GRIN2A: variants seen among roughly 807,000 people sequenced by gnomAD.
GRIN2A encodes the protein glutamate ionotropic receptor NMDA type subunit 2A.
In GRIN2A, 22 loss-of-function variants were observed where a neutral mutation model predicts 113.4. The observed-to-expected ratio is 0.19, with a 90% CI of 0.14 to 0.28. The LOEUF (loss-of-function observed/expected upper bound fraction) is 0.28, where lower values mean the gene tolerates loss of function less well. GRIN2A is among the 10% of genes least tolerant of loss of function. GRIN2A has a pLI of 1.00. For synonymous variants in GRIN2A, 827 were observed against 738.4 expected, an observed-to-expected ratio of 1.12 and a Z score of -1.94; for missense variants, 1,502 against 1,887.0, an observed-to-expected ratio of 0.80 and a Z score of 3.78.
At chr16:10,059,723 A>G (rs1380009327) in intron 2 of GRIN2A, among the ~76,000 whole-genome samples, 2 of 113,926 alleles carry the variant, frequency 1.8e-5, no homozygotes, top group Admixed American at 1.5e-4. Context: ...CGTGACCGAA[A>G]AAAAAAAAAA....
At chr16:9,780,049 C>G (rs879384953) in intron 11 of GRIN2A, among the ~76,000 whole-genome samples, 18 of 152,184 alleles carry the variant, frequency 1.2e-4, no homozygotes, top group Non-Finnish European at 7.3e-5. Context: ...CAACAGCCAA[C>G]CACACAGCCA....
At chr16:9,904,260 T>G (rs1379781902) in intron 3 of GRIN2A, among the ~76,000 whole-genome samples, 1 of 152,192 alleles carries the variant, frequency 6.6e-6, no homozygotes. Flanking sequence ...ACCAGCAGAT[T>G]TGGTGTCTGG....
intron 10 of GRIN2A, among the ~76,000 whole-genome samples, chr16:9,814,036 C>T (rs2042140663): frequency 1.3e-5 from 2 of 152,208 alleles, no homozygotes; most frequent in Admixed American, 6.5e-5. Context: ...ACCTCAGTGA[C>T]AACCCTTATA....
chr16:9,775,075 A>C (rs1212662529), intron 11 of GRIN2A, among the ~76,000 whole-genome samples: 1 of 152,216 alleles, frequency 6.6e-6, no homozygotes, highest in Admixed American at 6.5e-5. Context: ...CTAGCCTTCA[A>C]ACTTCCCAAG....
intron 2 of GRIN2A, among the ~76,000 whole-genome samples, chr16:9,964,980 A>G (rs1008763126): frequency 6.6e-6 from 1 of 152,206 alleles, no homozygotes; most frequent in African/African-American, 2.4e-5. Flanking sequence ...CTATTATTAA[A>G]TGTGATTCAA....
At position 9,758,637 on chromosome 16, in the gene GRIN2A, T is replaced by G. The variant is rs1382414090; in HGVS notation, c.*4512A>C. The G allele has an allele frequency of 1.4e-5, 3 of 213,122 alleles. No homozygotes were observed. Among genetic ancestry groups the G allele is most frequent in the Non-Finnish European group, 2.8e-5 (3 of 105,342 alleles). 13.2% of individuals were successfully genotyped at this position (213,122 alleles called of 1,614,324 possible). A position where few individuals can be genotyped will look rare whatever the true frequency, so the allele number is the denominator to read the frequency against. On this transcript the variant is annotated 3_prime_UTR_variant, in exon 13 of 13. Transcript: ENST00000330684. ...CAAGCATGTATATTATATACATGTG[T>G]ACACAAGCAGTTGTATTCACAGGAT... is the stretch of plus-strand genomic sequence containing the variant.
At chr16:10,053,238 G>C (rs1030655794) in intron 2 of GRIN2A, among the ~76,000 whole-genome samples, 2 of 152,146 alleles carry the variant, frequency 1.3e-5, no homozygotes, top group Non-Finnish European at 1.5e-5. Context: ...TGAGACAGAA[G>C]ATTTCTGTAG....
chr16:10,109,358 G>C (rs2048564586), intron 2 of GRIN2A, among the ~76,000 whole-genome samples: 1 of 146,872 alleles, frequency 6.8e-6, no homozygotes, highest in African/African-American at 2.5e-5. Flanking sequence ...AAAAAAAAAA[G>C]AGTCCTACAC....
At chr16:9,860,445 CAAAAAAAAAA>C (rs35715098) in intron 4 of GRIN2A, among the ~76,000 whole-genome samples, 2 of 57,952 alleles carry the variant, frequency 3.5e-5, no homozygotes, top group African/African-American at 1.2e-4. Flanking sequence ...AAGAGTCTCT[CAAAAAAAAAA>C]AAAAAAAAAA....
In GRIN2A at chr16:9,754,801, T is replaced by C. The variant is rs537357132; in HGVS notation, c.*8348A>G. 1.4e-5 allele frequency: 3 copies of C among 221,794 alleles called. No homozygotes were observed. Among genetic ancestry groups the C allele is most frequent in the South Asian group, 3.7e-4 (2 of 5,428 alleles). 13.7% of individuals were successfully genotyped at this position (221,794 alleles called of 1,614,324 possible). A position where few individuals can be genotyped will look rare whatever the true frequency, so the allele number is the denominator to read the frequency against. The stretch of plus-strand genomic sequence containing the variant: ...GTTTTTCATGGAAAAAAAAAGACAA[T>C]GTTTTCGTATTTCTGGATCTTCGCT... On this transcript the variant is annotated 3_prime_UTR_variant, in exon 13 of 13. Coordinates refer to ENST00000330684, the MANE Select transcript of GRIN2A (RefSeq NM_001134407.3).
chr16:9,764,709 G>T lies in GRIN2A; in HGVS notation c.2835C>A (p.Asp945Glu), dbSNP rs778996050. The part of the protein sequence containing the change: ...VSDKGNLMYS[D>E]NRSFQGKESI... ...TCTCTTTCCCCTGAAAGGACCTGTT[G>T]TCTGAGTACATCAAATTCCCCTTAT... The change falls in exon 13 of 13, where the codon GAC (aspartate) becomes GAA (glutamate). Residue 945 changes from aspartate (D) to glutamate (E), a missense_variant. Physicochemically the swap from Asp to Glu is conservative, Grantham distance 45. Around this residue, in one of 7 missense-constraint regions of GRIN2A, gnomAD observed 832 missense variants for 789.7 expected, o/e 1.05. Transcript: ENST00000330684. 5 of 1,614,228 alleles carry T rather than the reference G, an allele frequency of 3.1e-6. No individual in the cohort carries two copies. Among genetic ancestry groups the T allele is most frequent in the Non-Finnish European group, 4.2e-6 (5 of 1,180,024 alleles).
At position 9,863,441 on chromosome 16, in the gene GRIN2A, G is replaced by A. The variant is rs187806576; in HGVS notation, c.1123-13480C>T. Among the ~76,000 whole-genome samples, 382 of 152,236 alleles carry A rather than the reference G, an allele frequency of 2.5e-3. 2 individuals carry two copies. The highest frequency in any genetic ancestry group is 4.1e-3 in the Non-Finnish European group (277 of 68,022). ...AGTTTTACTTCTTCCATTTGCCTGTGAATTGACTCTTCTGAGGACCTTGAA... is the reference window on the plus strand; with the variant it reads ...AGTTTTACTTCTTCCATTTGCCTGTAAATTGACTCTTCTGAGGACCTTGAA... On this transcript the variant is annotated intron_variant, in intron 4 of 12. Transcript: ENST00000330684.
chr16:9,796,858 G>T (rs1903021587), intron 11 of GRIN2A, among the ~76,000 whole-genome samples: 1 of 152,184 alleles, frequency 6.6e-6, no homozygotes, highest in African/African-American at 2.4e-5. Flanking sequence ...ACAGCAAAAA[G>T]CTGACCAACA....
chr16:10,181,201 ACACACACACG>A lies in GRIN2A; in HGVS notation c.-19+666_-19+675del, dbSNP rs921652803. ...CACGCGCGCGTGCACACACACGTGC[ACACACACACG>A]CACACACACATGTTCACACACACAC... On this transcript the variant is annotated intron_variant, in intron 1 of 12. Transcript: ENST00000330684. 4.7e-4 allele frequency among the ~76,000 whole-genome samples: 7 copies of A among 14,900 alleles called. No homozygotes were observed. The East Asian group carries it at 0.012, about 25-fold the overall frequency. The allele number at this position is 14,900 out of a possible 152,430, so 9.8% of individuals were successfully genotyped here.
intron 10 of GRIN2A, among the ~76,000 whole-genome samples, chr16:9,803,717 T>G (rs1378904718): frequency 6.6e-6 from 1 of 152,284 alleles, no homozygotes; most frequent in African/African-American, 2.4e-5. Flanking sequence ...ATGGAGAAAC[T>G]GAGGCATTGA....
At chr16:10,149,906 T>C (rs79715209) in intron 2 of GRIN2A, among the ~76,000 whole-genome samples, 1,679 of 152,360 alleles carry the variant, frequency 0.011, 42 homozygotes, top group African/African-American at 0.039. Context: ...TTGTGTTTAA[T>C]TGAACAAAGA....
chr16:10,075,532 C>G (rs967419380), intron 2 of GRIN2A, among the ~76,000 whole-genome samples: 1 of 152,066 alleles, frequency 6.6e-6, no homozygotes, highest in Non-Finnish European at 1.5e-5. Flanking sequence ...ATGATGATTG[C>G]ACAACAATGT....
In GRIN2A at chr16:9,899,440, C is replaced by CAAAAAA. The variant is rs71157791; in HGVS notation, c.1008-8346_1008-8341dup. Among the ~76,000 whole-genome samples the CAAAAAA allele has an allele frequency of 1.5e-3, 9 of 6,204 alleles. 1 individual carries two copies. Among genetic ancestry groups the CAAAAAA allele is most frequent in the African/African-American group, 2.5e-3 (3 of 1,206 alleles). The allele number at this position is 6,204 out of a possible 152,430, so 4.1% of individuals were successfully genotyped here. A position where few individuals can be genotyped will look rare whatever the true frequency, so the allele number is the denominator to read the frequency against. ...GGGCAACAAGAGCAAAACTCCGTCTCAAAAAAAAAAAAAAAAAAAAAAAAA... is the reference window on the plus strand; with the variant it reads ...GGGCAACAAGAGCAAAACTCCGTCTCAAAAAAAAAAAAAAAAAAAAAAAAAAAAAAA... On this transcript the variant is annotated intron_variant, in intron 3 of 12. Coordinates refer to ENST00000330684, the MANE Select transcript of GRIN2A (RefSeq NM_001134407.3).
chr16:10,122,820 T>A (rs967677278), intron 2 of GRIN2A, among the ~76,000 whole-genome samples: 2 of 152,040 alleles, frequency 1.3e-5, no homozygotes, highest in Non-Finnish European at 2.9e-5. Context: ...ACAATATCAA[T>A]CATCATCTAT....
Sources: allele counts gnomAD v4.1 joint callset (sites outside exome capture counted in the v4.1 genomes callset), GRCh38; gene constraint gnomAD v4.1.1; regional missense constraint gnomAD v4.1.1; transcripts MANE v1.5; gene names NCBI Gene and HGNC (gene_info 2026-07-23, HGNC 2026-07-21).